The following DCLK1 variants were observed in gnomAD, a reference collection of about 807,000 sequenced individuals.
DCLK1 encodes serine/threonine-protein kinase DCLK1.
DCLK1 carries 16 observed loss-of-function variants against 86.2 expected under a neutral mutation model. The observed-to-expected ratio is 0.19, with a 90% CI of 0.13 to 0.28. DCLK1 has a LOEUF of 0.28. DCLK1 is among the 10% of genes least tolerant of loss of function. DCLK1 has a pLI of 1.00. For missense variants in DCLK1, 590 were observed against 940.2 expected, an observed-to-expected ratio of 0.63 and a Z score of 4.87; for synonymous variants, 369 against 370.5, an observed-to-expected ratio of 1.00 and a Z score of 0.05.
intron 3 of DCLK1, among the ~76,000 whole-genome samples, chr13:36,094,546 C>T (rs1884937582): frequency 6.6e-6 from 1 of 152,220 alleles, no homozygotes; most frequent in South Asian, 2.1e-4. Context: ...AGTTGCTATA[C>T]ACCCTGTGGC....
rs1870788724 is a variant in DCLK1 at position 35,853,281 on chromosome 13, G to C, written c.1035+1218C>G. ...GGAAAGAGGCTCCTTGTTTTGTTTT[G>C]TGTTTCCAATGGAGACCCAGAAAAG... On this transcript the variant is annotated intron_variant, in intron 6 of 16. Transcript: ENST00000360631. Among the ~76,000 whole-genome samples the C allele has an allele frequency of 2.6e-5, 4 of 152,274 alleles. No individual in the cohort carries two copies. In the South Asian group the frequency reaches 8.3e-4, roughly 32 times the overall value.
At chr13:35,875,566 C>T (rs571258511) in intron 4 of DCLK1, among the ~76,000 whole-genome samples, 13 of 152,294 alleles carry the variant, frequency 8.5e-5, no homozygotes, top group African/African-American at 3.1e-4. Context: ...CTCTTCTTAT[C>T]AGAAGAAATG....
chr13:35,915,325 G>A (rs1240347857), intron 4 of DCLK1, among the ~76,000 whole-genome samples: 1 of 152,166 alleles, frequency 6.6e-6, no homozygotes, highest in Non-Finnish European at 1.5e-5. Flanking sequence ...TTAAATCATA[G>A]CACCCTGATG....
intron 3 of DCLK1, among the ~76,000 whole-genome samples, chr13:35,951,668 T>C (rs1833232252): frequency 6.6e-6 from 1 of 151,960 alleles, no homozygotes; most frequent in South Asian, 2.1e-4. Flanking sequence ...TCTTTTCTAG[T>C]ATATGTTTAC....
At chr13:35,962,462 C>T (rs904453964) in intron 3 of DCLK1, among the ~76,000 whole-genome samples, 1 of 152,146 alleles carries the variant, frequency 6.6e-6, no homozygotes, top group African/African-American at 2.4e-5. Flanking sequence ...ATGATTCTCC[C>T]TAACAGCTTT....
intron 3 of DCLK1, among the ~76,000 whole-genome samples, chr13:35,957,426 G>A (rs1313757435): frequency 1.3e-5 from 2 of 152,172 alleles, no homozygotes; most frequent in African/African-American, 4.8e-5. Flanking sequence ...TTTAGAAGGA[G>A]CCTGGGATGA....
chr13:36,075,799 C>T (rs1225919639), intron 3 of DCLK1, among the ~76,000 whole-genome samples: 1 of 152,062 alleles, frequency 6.6e-6, no homozygotes. Context: ...GGCAGATCAC[C>T]TGAGGTCAGG....
At chr13:35,962,334 C>A (rs1487195016) in intron 3 of DCLK1, among the ~76,000 whole-genome samples, 1 of 152,046 alleles carries the variant, frequency 6.6e-6, no homozygotes, top group African/African-American at 2.4e-5. Flanking sequence ...GACACTTGGA[C>A]AAAGACACAG....
chr13:35,971,587 A>T (rs1879061560), intron 3 of DCLK1, among the ~76,000 whole-genome samples: 1 of 152,120 alleles, frequency 6.6e-6, no homozygotes, highest in South Asian at 2.1e-4. Context: ...ACATGGTGAA[A>T]ACCTGTCTCT....
intron 3 of DCLK1, among the ~76,000 whole-genome samples, chr13:35,986,205 G>A (rs1232921242): frequency 6.7e-6 from 1 of 148,742 alleles, no homozygotes; most frequent in Non-Finnish European, 1.5e-5. Flanking sequence ...AGGTGGCTGA[G>A]GCAGGAGAAT....
chr13:35,893,241 T>G (rs1421544659), intron 4 of DCLK1, among the ~76,000 whole-genome samples: 1 of 152,186 alleles, frequency 6.6e-6, no homozygotes, highest in African/African-American at 2.4e-5. Context: ...CCAGAAAGAT[T>G]TGAAATATTC....
intron 3 of DCLK1, among the ~76,000 whole-genome samples, chr13:35,970,418 A>G (rs1212946069): frequency 2.0e-5 from 3 of 152,194 alleles, no homozygotes; most frequent in East Asian, 1.9e-4. Flanking sequence ...TACTGTTTGA[A>G]TGTTTGTCCC....
intron 16 of DCLK1, among the ~76,000 whole-genome samples, chr13:35,790,574 G>A (rs1043754105): frequency 6.6e-6 from 1 of 152,084 alleles, no homozygotes; most frequent in African/African-American, 2.4e-5. Context: ...TGGGGAGAGC[G>A]TATATACCTA....
chr13:35,866,063 C>T (rs1223802962), intron 5 of DCLK1, among the ~76,000 whole-genome samples: 1 of 152,030 alleles, frequency 6.6e-6, no homozygotes, highest in Non-Finnish European at 1.5e-5. Flanking sequence ...TCTAGAGTAC[C>T]AGAAGTCCCC....
intron 6 of DCLK1, chr13:35,850,697 T>C (rs1593660101): frequency 1.9e-6 from 3 of 1,581,474 alleles, no homozygotes; most frequent in East Asian, 4.6e-5. Flanking sequence ...TCACAAACCA[T>C]ATACATTGCT....
At chr13:36,070,078 A>G (rs1467570778) in intron 3 of DCLK1, among the ~76,000 whole-genome samples, 1 of 152,142 alleles carries the variant, frequency 6.6e-6, no homozygotes, top group Non-Finnish European at 1.5e-5. Flanking sequence ...AAAATCCTTA[A>G]GTCTCCAAGG....
intron 5 of DCLK1, among the ~76,000 whole-genome samples, chr13:35,865,263 AT>A (rs1322633504): frequency 2.6e-5 from 4 of 152,152 alleles, no homozygotes; most frequent in African/African-American, 7.2e-5. Flanking sequence ...AAATTAATGA[AT>A]TTTACTTTTA....
intron 11 of DCLK1, among the ~76,000 whole-genome samples, chr13:35,817,008 CAT>C (rs1437734969): frequency 2.6e-5 from 4 of 152,180 alleles, no homozygotes; most frequent in Non-Finnish European, 5.9e-5. Context: ...CCCACCAACA[CAT>C]ATGAGATAAC....
rs201723671 is a variant in DCLK1 at position 35,830,223 on chromosome 13, T to TA, written c.1230-1917dup. 3.6e-3 allele frequency among the ~76,000 whole-genome samples: 539 copies of TA among 148,634 alleles called. 4 individuals carry two copies. The highest frequency in any genetic ancestry group is 0.012 in the African/African-American group (483 of 40,628). ...AAACATGGTGAAACCCTGACTCTACTAAAAAAAAAATACAAAAATTAGCCA... is the reference window on the plus strand; with the variant it reads ...AAACATGGTGAAACCCTGACTCTACTAAAAAAAAAAATACAAAAATTAGCCA... On this transcript the variant is annotated intron_variant, in intron 8 of 16. Coordinates refer to ENST00000360631, the MANE Select transcript of DCLK1 (RefSeq NM_001330071.2).
Sources: gnomAD v4.1 joint callset for allele counts (sites outside exome capture counted in the v4.1 genomes callset) on GRCh38, gnomAD v4.1.1 for gene constraint, MANE v1.5 for transcripts, NCBI Gene and HGNC (gene_info 2026-07-23, HGNC 2026-07-21) for gene names.